Variants in PPP1R1C observed in about 807,000 individuals in gnomAD.
The protein encoded by PPP1R1C is protein phosphatase 1 regulatory inhibitor subunit 1C.
In PPP1R1C, 15 loss-of-function variants were observed where a neutral mutation model predicts 17.4. That is an observed-to-expected ratio of 0.86 (90% confidence interval 0.58 to 1.33). The LOEUF is 1.33. Ranked by LOEUF, PPP1R1C falls within the 40% of genes most tolerant of loss-of-function variation. The pLI, the probability that PPP1R1C is intolerant of heterozygous loss-of-function variation, is 0.00. For missense variants in PPP1R1C, 143 were observed against 130.0 expected (o/e 1.10, Z -0.48); for synonymous variants, 35 against 43.1 (o/e 0.81, Z 0.73).
At chr2:182,024,536 T>C (rs1036328929) in intron 2 of PPP1R1C, among the ~76,000 whole-genome samples, 1 of 151,916 alleles carries the variant, frequency 6.6e-6, no homozygotes, top group Non-Finnish European at 1.5e-5. Flanking sequence ...TTTACTAACT[T>C]CTAGAAATTT....
chr2:182,117,374 C>A lies in PPP1R1C; in HGVS notation c.*79C>A, dbSNP rs148893893. The A allele has an allele frequency of 1.9e-6, 2 of 1,028,230 alleles. No individual in the cohort carries two copies. The highest frequency in any genetic ancestry group is 2.4e-5 in the Admixed American group (1 of 41,568). The allele number at this position is 1,028,230 out of a possible 1,614,324, so 63.7% of individuals were successfully genotyped here. A position where few individuals can be genotyped will look rare whatever the true frequency, so the allele number is the denominator to read the frequency against. ...CTGAGTATACCATGGAATTCCACTG[C>A]TTGACTTCCAGAAGCATCCTCCATC... On this transcript the variant is annotated 3_prime_UTR_variant, in exon 5 of 5. Transcript: ENST00000682840.
intron 2 of PPP1R1C, among the ~76,000 whole-genome samples, chr2:182,020,445 G>A (rs1362555161): frequency 6.6e-6 from 1 of 152,178 alleles, no homozygotes; most frequent in African/African-American, 2.4e-5. Flanking sequence ...CTTTGAGCAT[G>A]AAGGGCCTAA....
At chr2:182,007,890 G>A (rs557658319) in intron 2 of PPP1R1C, among the ~76,000 whole-genome samples, 8 of 152,132 alleles carry the variant, frequency 5.3e-5, no homozygotes, top group Non-Finnish European at 7.4e-5. Context: ...GTGAAACCCC[G>A]TCTCTGCTAA....
chr2:182,081,395 C>G (rs903995074), intron 4 of PPP1R1C, among the ~76,000 whole-genome samples: 1 of 151,920 alleles, frequency 6.6e-6, no homozygotes, highest in Non-Finnish European at 1.5e-5. Flanking sequence ...AGTCTTCTTT[C>G]AAAGAGAAGA....
chr2:182,099,490 AC>A (rs1689038865), intron 4 of PPP1R1C, among the ~76,000 whole-genome samples: 6 of 152,190 alleles, frequency 3.9e-5, no homozygotes, highest in Admixed American at 3.3e-4. Context: ...CCTCACTCTT[AC>A]CTAGAATTGG....
chr2:182,017,143 A>G (rs772990701), intron 2 of PPP1R1C, among the ~76,000 whole-genome samples: 2 of 152,170 alleles, frequency 1.3e-5, no homozygotes, highest in Non-Finnish European at 2.9e-5. Context: ...AATCAACTAT[A>G]TCTTTAGTGC....
At chr2:182,105,895 G>A (rs930230906) in intron 4 of PPP1R1C, among the ~76,000 whole-genome samples, 1 of 152,168 alleles carries the variant, frequency 6.6e-6, no homozygotes. Flanking sequence ...ACAACTGGGT[G>A]GTTGAAGCAG....
intron 4 of PPP1R1C, among the ~76,000 whole-genome samples, chr2:182,079,682 T>G (rs1688414625): frequency 6.6e-6 from 1 of 152,194 alleles, no homozygotes; most frequent in Non-Finnish European, 1.5e-5. Flanking sequence ...ACAAAAGAAA[T>G]GTTTCCTCTC....
intron 2 of PPP1R1C, among the ~76,000 whole-genome samples, chr2:182,051,306 CTT>C (rs1687509535): frequency 6.6e-6 from 1 of 152,214 alleles, no homozygotes; most frequent in South Asian, 2.1e-4. Context: ...CCATCACTCT[CTT>C]GTTACAGATT....
At chr2:182,094,965 T>A (rs1375108107) in intron 4 of PPP1R1C, among the ~76,000 whole-genome samples, 2 of 152,080 alleles carry the variant, frequency 1.3e-5, no homozygotes, top group African/African-American at 4.8e-5. Context: ...AGATCAAAGG[T>A]CATTCGTGGA....
At chr2:181,997,482 T>C (rs1685648973) in intron 2 of PPP1R1C, among the ~76,000 whole-genome samples, 1 of 151,288 alleles carries the variant, frequency 6.6e-6, no homozygotes, top group African/African-American at 2.4e-5. Flanking sequence ...ATAATTTTTT[T>C]GTTTCTAACA....
At chr2:181,998,537 T>C (rs1685678358) in intron 2 of PPP1R1C, among the ~76,000 whole-genome samples, 1 of 152,212 alleles carries the variant, frequency 6.6e-6, no homozygotes, top group South Asian at 2.1e-4. Context: ...TAGAATCTTA[T>C]TACACAAATT....
chr2:182,130,504 A>C (rs1253828114), downstream of PPP1R1C: 1 of 152,240 alleles, frequency 6.6e-6, no homozygotes, highest in Non-Finnish European at 1.5e-5. Context: ...GCTTTGCATG[A>C]ATCAAAGGAA....
At chr2:182,079,748 A>T (rs1213884127) in intron 4 of PPP1R1C, among the ~76,000 whole-genome samples, 1 of 152,192 alleles carries the variant, frequency 6.6e-6, no homozygotes, top group African/African-American at 2.4e-5. Context: ...CCATGCTCCC[A>T]CTGAAGGCTG....
chr2:181,957,454 G>C lies in PPP1R1C; in HGVS notation n.111+2820G>C, dbSNP rs914418488. 3.4e-4 allele frequency among the ~76,000 whole-genome samples: 51 copies of C among 152,174 alleles called. No individual in the cohort carries two copies. Among genetic ancestry groups the C allele is most frequent in the African/African-American group, 1.1e-3 (47 of 41,442 alleles). On this transcript the variant is annotated intron_variant and non_coding_transcript_variant, in intron 1 of 5. Transcript: ENST00000464264. This position sits in a 1 kb window ranked among gnomAD's most constrained non-coding sequence, Gnocchi z 4.2. ...ATCTCAGTTTCTTCTGGGACAGGTAGTAATTTACCCATTCTCAACCATTTA... is the reference window on the plus strand; with the variant it reads ...ATCTCAGTTTCTTCTGGGACAGGTACTAATTTACCCATTCTCAACCATTTA...
chr2:182,117,174 C>A, intron 4 of PPP1R1C, 33 bp from the exon 5 acceptor site: 3 of 1,390,584 alleles, frequency 2.2e-6, no homozygotes, highest in East Asian at 2.5e-5. Context: ...AAATGAAAAT[C>A]ATTTAAATTT....
rs377059250 is a variant in PPP1R1C, at chr2:182,124,236, C to T, written c.*7-4738C>T. Among the ~76,000 whole-genome samples the T allele has an allele frequency of 1.9e-4, 29 of 150,606 alleles. 1 individual carries two copies. The highest frequency in any genetic ancestry group is 1.3e-3 in the Admixed American group (20 of 15,114). On this transcript the variant is annotated intron_variant, in intron 5 of 5. Coordinates refer to the PPP1R1C transcript ENST00000280295. The stretch of plus-strand genomic sequence containing the variant: ...TATATATCTGTTTTGGTACCAGTAC[C>T]ATGCTGTTTTGGTTACTGTACCTTT...
chr2:182,126,257 T>C (rs76255893), intron 5 of PPP1R1C, among the ~76,000 whole-genome samples: 2,584 of 152,174 alleles, frequency 0.017, 39 homozygotes, highest in South Asian at 0.058. Flanking sequence ...TGTCTACTTA[T>C]GTTAAAGTGT....
chr2:182,003,405 AT>A (rs545100212), intron 2 of PPP1R1C, among the ~76,000 whole-genome samples: 67 of 152,040 alleles, frequency 4.4e-4, no homozygotes, highest in Non-Finnish European at 8.2e-4. Context: ...CTTTGATAGA[AT>A]TTTTTTTCTA....
Sources: allele counts gnomAD v4.1 joint callset (sites outside exome capture counted in the v4.1 genomes callset), GRCh38; gene constraint gnomAD v4.1.1; non-coding constraint Gnocchi (gnomAD v3.1); transcripts MANE v1.5; gene names NCBI Gene and HGNC (gene_info 2026-07-23, HGNC 2026-07-21).